The following PKD1L1 variants were observed in gnomAD, a reference collection of about 807,000 sequenced individuals.
PKD1L1 encodes the protein polycystin 1 like 1, transient receptor potential channel interacting.
Under a neutral mutation model 323.4 loss-of-function variants are expected in PKD1L1, and 236 were observed. The ratio of observed to expected loss-of-function variants is 0.73; its 90% confidence interval spans 0.66 to 0.81. The LOEUF (loss-of-function observed/expected upper bound fraction) is 0.81. Among genes scored for constraint, PKD1L1 ranks in the 40% least tolerant of loss-of-function variants. The pLI, the probability that PKD1L1 is intolerant of heterozygous loss-of-function variation, is 0.00. For missense variants in PKD1L1, 3,320 were observed against 3,508.0 expected (o/e 0.95, Z 1.35); for synonymous variants, 1,344 against 1,335.0 (o/e 1.01, Z -0.15).
chr7:47,898,165 TC>T lies in PKD1L1; in HGVS notation c.2093del (p.Gly698GlufsTer2). On this transcript the variant is annotated frameshift_variant, in exon 14 of 57. Transcript: ENST00000289672. LOFTEE classifies it high-confidence loss of function. ...QIWRSQPVRL[G>X]VTFEAAVFCD... ...AGAAGACTGCAGCTTCAAACGTCAC[TC>T]CCAGCCTCACAGGCTGAGACCTCCA... 1.9e-6 allele frequency: 3 copies of T among 1,614,084 alleles called. No homozygotes were observed. The African/African-American group carries it at 4.0e-5, about 22-fold the overall frequency.
In PKD1L1 at chr7:47,898,072, G is replaced by C. The variant is rs771063003; in HGVS notation, c.2187C>G (p.Leu729=). Reference sequence around the variant, plus strand: ...GTCTGTGAGTGTCCACAGCAGCAGGGAGGGAGACAGGGAGCCCTTCAGAGT... The same window carrying C: ...GTCTGTGAGTGTCCACAGCAGCAGGCAGGGAGACAGGGAGCCCTTCAGAGT... ...LMDSEGLPVS[L]PAAVDTHRQT... Residue 729 remains leucine, a synonymous_variant, in exon 14 of 57, where the codon CTC becomes CTG. Coordinates refer to ENST00000289672, the MANE Select transcript of PKD1L1 (RefSeq NM_138295.5). 2.5e-6 allele frequency: 4 copies of C among 1,614,044 alleles called. No individual in the cohort carries two copies. In the South Asian group the frequency reaches 4.4e-5, roughly 18 times the overall value.
chr7:47,796,008 G>A lies in PKD1L1; in HGVS notation c.8336C>T (p.Ala2779Val), dbSNP rs1321424470. 3 of 1,613,348 alleles carry A rather than the reference G, an allele frequency of 1.9e-6. No individual in the cohort carries two copies. ...GCTTACGTGATTCTCAACCATCTCA[G>A]CCTCTTCCAACTTTGGTGTTTCCAG... ...LRLETPKLEE[A>V]EMVENHNYYL... Residue 2779 changes from alanine to valine, a missense_variant, in exon 55 of 57, where the codon GCT becomes GTT. Transcript: ENST00000289672.
chr7:47,862,331 C>T (rs746748667), intron 26 of PKD1L1, among the ~76,000 whole-genome samples: 1 of 152,294 alleles, frequency 6.6e-6, no homozygotes, highest in South Asian at 2.1e-4. Flanking sequence ...TGATGCCCTC[C>T]CACCTAGACT....
Position 47,888,222 on chromosome 7 carries a change from T to C in PKD1L1, c.2676-72A>G. The C allele has an allele frequency of 2.7e-6, 4 of 1,466,530 alleles. No individual in the cohort carries two copies. In the South Asian group the frequency reaches 5.0e-5, roughly 18 times the overall value. The allele number at this position is 1,466,530 out of a possible 1,614,324, so 90.8% of individuals were successfully genotyped here. A position where few individuals can be genotyped will look rare whatever the true frequency, so the allele number is the denominator to read the frequency against. On this transcript the variant is annotated intron_variant, in intron 16 of 56. Transcript: ENST00000289672. ...GTTCTTTGGTCACATTAATTCATGTTAGGCATGTTTAAATCACCCTACTTT... is the reference window on the plus strand; with the variant it reads ...GTTCTTTGGTCACATTAATTCATGTCAGGCATGTTTAAATCACCCTACTTT...
At chr7:47,917,768 T>C (rs986107833) in intron 7 of PKD1L1, among the ~76,000 whole-genome samples, 1 of 152,174 alleles carries the variant, frequency 6.6e-6, no homozygotes, top group Non-Finnish European at 1.5e-5. Context: ...AGACAAATGC[T>C]GACAGAATTC....
chr7:47,778,828 T>C (rs1786627216), intron 56 of PKD1L1, among the ~76,000 whole-genome samples: 1 of 152,196 alleles, frequency 6.6e-6, no homozygotes, highest in Non-Finnish European at 1.5e-5. Flanking sequence ...GACTTCCCAC[T>C]GACCTCAAAG....
intron 45 of PKD1L1, among the ~76,000 whole-genome samples, chr7:47,822,361 C>T (rs1046513684): frequency 4.0e-5 from 6 of 151,852 alleles, no homozygotes; most frequent in Non-Finnish European, 7.4e-5. Flanking sequence ...GAGGCCAAGG[C>T]AGGCGGATCA....
chr7:47,940,402 A>T, intron 2 of PKD1L1, 85 bp from the exon 3 acceptor site: 1 of 1,474,482 alleles, frequency 6.8e-7, no homozygotes, highest in Non-Finnish European at 9.2e-7. Context: ...GCCCTAAGTT[A>T]TACATAAGGT....
In PKD1L1 at chr7:47,813,167, C is replaced by A; in HGVS notation, c.7300G>T (p.Gly2434Cys). 6.2e-7 allele frequency: 1 copy of A among 1,614,088 alleles called. No individual in the cohort carries two copies. Among genetic ancestry groups the A allele is most frequent in the Non-Finnish European group, 8.5e-7 (1 of 1,180,026 alleles). ...NQNVTLNGPG[G>C]CGTREDCVLS... ...ACACAGTCCTCCCTTGTCCCACAGCCCCCAGGACCATTCAGGGTCACGTTT... is the reference window on the plus strand; with the variant it reads ...ACACAGTCCTCCCTTGTCCCACAGCACCCAGGACCATTCAGGGTCACGTTT... The change falls in exon 49 of 57, where the codon GGC becomes TGC. Residue 2434 changes from glycine to cysteine, a missense_variant. Physicochemically the swap from Gly to Cys is radical, Grantham distance 159. Transcript: ENST00000289672.
chr7:47,927,416 C>A (rs1450385734), intron 7 of PKD1L1, among the ~76,000 whole-genome samples: 1 of 152,060 alleles, frequency 6.6e-6, no homozygotes, highest in Admixed American at 6.5e-5. Flanking sequence ...GTAGGGCGCG[C>A]CACCACGCCC....
Position 47,775,111 on chromosome 7 carries a change from G to T in PKD1L1, c.*32C>A. On this transcript the variant is annotated 3_prime_UTR_variant, in exon 57 of 57. Coordinates refer to ENST00000289672, the MANE Select transcript of PKD1L1 (RefSeq NM_138295.5). ...TGTTGGGTGGGTTAAGCAAAACAGG[G>T]TCCATAGTGCCTATGCAAGGTACCA... The T allele has an allele frequency of 6.2e-7, 1 of 1,610,084 alleles. No individual in the cohort carries two copies. Among genetic ancestry groups the T allele is most frequent in the Non-Finnish European group, 8.5e-7 (1 of 1,178,250 alleles).
chr7:47,953,619 A>G, the PKD1L1 span, among the ~76,000 whole-genome samples: 2 of 152,366 alleles, frequency 1.3e-5, no homozygotes, highest in South Asian at 4.1e-4. Context: ...AGGTTAAGCC[A>G]CCAAACATCT....
intron 7 of PKD1L1, among the ~76,000 whole-genome samples, chr7:47,919,308 C>G (rs1787490517): frequency 6.6e-6 from 1 of 152,002 alleles, no homozygotes; most frequent in Non-Finnish European, 1.5e-5. Flanking sequence ...AGATATAACC[C>G]TCCTAGCTTA....
chr7:47,857,485 G>T, intron 28 of PKD1L1, 120 bp downstream of exon 28: 1 of 770,866 alleles, frequency 1.3e-6, no homozygotes, highest in Non-Finnish European at 2.1e-6. Flanking sequence ...CTGAGAGGGT[G>T]CAAACATGCA....
chr7:47,878,689 G>A (rs1472642328), intron 21 of PKD1L1, among the ~76,000 whole-genome samples: 1 of 152,208 alleles, frequency 6.6e-6, no homozygotes, highest in African/African-American at 2.4e-5. Context: ...GTCTTATACT[G>A]GGCTTAGGAA....
chr7:47,815,269 GT>G, intron 47 of PKD1L1, 64 bp downstream of exon 47: 1 of 1,577,646 alleles, frequency 6.3e-7, no homozygotes, highest in East Asian at 2.2e-5. Flanking sequence ...ATTAGTGACT[GT>G]TTCACCCACT....
Position 47,811,054 on chromosome 7 carries a change from G to A in PKD1L1, c.7581+763C>T, listed in dbSNP as rs150342785. ...TTCTGTGAGCACACCGTGAGAAGGCGGCCATCTCCCAGGACTAGAGACCTC... is the reference window on the plus strand; with the variant it reads ...TTCTGTGAGCACACCGTGAGAAGGCAGCCATCTCCCAGGACTAGAGACCTC... On this transcript the variant is annotated intron_variant, in intron 50 of 56. Transcript: ENST00000289672. 4.6e-3 allele frequency among the ~76,000 whole-genome samples: 698 copies of A among 152,248 alleles called. 6 individuals carry two copies. The highest frequency in any genetic ancestry group is 0.016 in the African/African-American group (649 of 41,538).
At chr7:47,880,833 A>G in intron 20 of PKD1L1, 28 bp from the exon 21 acceptor site, 1 of 1,572,786 alleles carries the variant, frequency 6.4e-7, no homozygotes, top group Non-Finnish European at 8.7e-7. Flanking sequence ...CTGCATGGAA[A>G]TGACAGTCAG....
intron 13 of PKD1L1, 129 bp from the exon 14 acceptor site, chr7:47,898,323 C>T: frequency 2.7e-6 from 2 of 739,324 alleles, no homozygotes; most frequent in Non-Finnish European, 2.2e-6. Context: ...GAATGGTATT[C>T]TTAGGTCTGG....
Sources: gnomAD v4.1 joint callset for allele counts (sites outside exome capture counted in the v4.1 genomes callset) on GRCh38, gnomAD v4.1.1 for gene constraint, MANE v1.5 for transcripts, NCBI Gene and HGNC (gene_info 2026-07-23, HGNC 2026-07-21) for gene names.